Variants in FABP6 observed in about 807,000 individuals in gnomAD.
FABP6 encodes gastrotropin.
FABP6 carries 13 observed loss-of-function variants against 14.9 expected under a neutral mutation model. That is an observed-to-expected ratio of 0.87 (90% CI 0.57 to 1.39). The LOEUF (loss-of-function observed/expected upper bound fraction) is 1.39. FABP6 is among the 40% of genes most tolerant of loss of function. The probability of loss-of-function intolerance (pLI) is 0.00; values close to 1 mark genes in which losing one functional copy is unlikely to be tolerated. For synonymous variants in FABP6, 75 were observed against 63.6 expected, an observed-to-expected ratio of 1.18 and a Z score of -0.85; for missense variants, 161 against 167.2, an observed-to-expected ratio of 0.96 and a Z score of 0.20.
In FABP6 at chr5:160,221,549, G is replaced by T. The variant is rs186770106; in HGVS notation, c.135+7730G>T. On this transcript the variant is annotated intron_variant, in intron 3 of 6. Transcript: ENST00000393980. ...CTCACTCACTGGCTGTCACCTTCTG[G>T]CTGACTTGCATCTCCATTACCGTGG... Among the ~76,000 whole-genome samples the T allele has an allele frequency of 8.5e-4, 129 of 152,258 alleles. 3 individuals carry two copies. The highest frequency in any genetic ancestry group is 2.8e-4 in the Non-Finnish European group (19 of 68,020).
At chr5:160,236,503 A>G (rs1760519292) in intron 3 of FABP6, among the ~76,000 whole-genome samples, 1 of 152,042 alleles carries the variant, frequency 6.6e-6, no homozygotes, top group Non-Finnish European at 1.5e-5. Context: ...CTCCCATTAT[A>G]CTTATTTTAC....
chr5:160,187,610 G>A (rs941966319), intron 1 of FABP6, among the ~76,000 whole-genome samples: 2 of 152,050 alleles, frequency 1.3e-5, no homozygotes, highest in Non-Finnish European at 2.9e-5. Flanking sequence ...CTGACTTGGG[G>A]GAACAAGGGT....
chr5:160,210,321 T>TGACAGA (rs1759860696), intron 2 of FABP6, among the ~76,000 whole-genome samples: 1 of 152,156 alleles, frequency 6.6e-6, no homozygotes, highest in African/African-American at 2.4e-5. Context: ...GTCAAAGGGT[T>TGACAGA]TTAATGACAA....
chr5:160,223,570 C>G (rs537558875), intron 3 of FABP6, among the ~76,000 whole-genome samples: 1 of 151,586 alleles, frequency 6.6e-6, no homozygotes, highest in African/African-American at 2.4e-5. Flanking sequence ...TACAGGCACA[C>G]GCCACCACAC....
chr5:160,199,783 GCTCACTAGGGAGTTCA>G (rs1219117893), intron 2 of FABP6, among the ~76,000 whole-genome samples: 1 of 152,172 alleles, frequency 6.6e-6, no homozygotes, highest in Non-Finnish European at 1.5e-5. Context: ...TGGGATCTCC[GCTCACTAGGGAGTTCA>G]CAGCCTAACC....
intron 2 of FABP6, among the ~76,000 whole-genome samples, chr5:160,205,065 A>G (rs906749023): frequency 1.3e-5 from 2 of 152,182 alleles, no homozygotes; most frequent in Non-Finnish European, 2.9e-5. Flanking sequence ...AAAGTTTCTC[A>G]GAGAATTATA....
intron 1 of FABP6, among the ~76,000 whole-genome samples, chr5:160,189,233 T>C (rs1305590385): frequency 2.6e-5 from 4 of 152,066 alleles, no homozygotes; most frequent in Non-Finnish European, 2.9e-5. Context: ...GAAATCGTAT[T>C]TTACTTATTA....
chr5:160,198,996 T>C (rs1290489479), intron 1 of FABP6: 9 of 1,067,228 alleles, frequency 8.4e-6, no homozygotes, highest in Admixed American at 7.1e-5. Flanking sequence ...GAATGAACAA[T>C]GAGATGGTCT....
At chr5:160,210,083 A>G (rs1192433754) in intron 2 of FABP6, among the ~76,000 whole-genome samples, 1 of 152,216 alleles carries the variant, frequency 6.6e-6, no homozygotes, top group African/African-American at 2.4e-5. Flanking sequence ...CAAGTCAAAC[A>G]GGTAAAGCAG....
At position 160,191,688 on chromosome 5, in the gene FABP6, G is replaced by A. The variant is rs139559122; in HGVS notation, c.-59+4234G>A. ...GTTGAGATCCTGGGCTCGGCCGGGC[G>A]CGGTGGCTCACGCCTGTAATCCCAG... On this transcript the variant is annotated intron_variant, in intron 1 of 6. Transcript: ENST00000393980. Among the ~76,000 whole-genome samples the A allele has an allele frequency of 6.5e-3, 982 of 151,162 alleles. 11 individuals carry two copies. The highest frequency in any genetic ancestry group is 0.023 in the African/African-American group (946 of 41,200).
chr5:160,206,510 G>T (rs548266477), intron 2 of FABP6, among the ~76,000 whole-genome samples: 1 of 152,222 alleles, frequency 6.6e-6, no homozygotes, highest in South Asian at 2.1e-4. Context: ...ACAGAGAAAA[G>T]TATACATCCT....
chr5:160,219,363 C>T (rs1760083348), intron 3 of FABP6, among the ~76,000 whole-genome samples: 1 of 152,170 alleles, frequency 6.6e-6, no homozygotes, highest in Non-Finnish European at 1.5e-5. Context: ...GCCTTGGGCT[C>T]TTCTTTATCT....
intron 1 of FABP6, chr5:160,197,238 C>T (rs1420416775): frequency 1.3e-5 from 2 of 152,228 alleles, no homozygotes; most frequent in Non-Finnish European, 2.9e-5. Context: ...ACTGCTTCAC[C>T]CTAGGCAGTT....
upstream of FABP6, chr5:160,228,454 T>C (rs543727164): frequency 7.7e-5 from 35 of 456,242 alleles, no homozygotes; most frequent in East Asian, 2.4e-3. Flanking sequence ...CTTTGCACTG[T>C]CAATTTTGCC....
At chr5:160,237,687 T>C (rs1053937241) in intron 3 of FABP6, among the ~76,000 whole-genome samples, 3 of 152,096 alleles carry the variant, frequency 2.0e-5, no homozygotes, top group African/African-American at 7.2e-5. Flanking sequence ...CCCTTTGTTA[T>C]GAATCAGGAC....
At chr5:160,218,774 T>TA (rs1490227930) in intron 3 of FABP6, among the ~76,000 whole-genome samples, 3 of 150,524 alleles carry the variant, frequency 2.0e-5, no homozygotes, top group Non-Finnish European at 4.4e-5. Context: ...TTTTTTTTTT[T>TA]ATGAGTTGGG....
intron 3 of FABP6, among the ~76,000 whole-genome samples, chr5:160,223,959 G>A (rs1005611074): frequency 3.3e-5 from 5 of 151,630 alleles, no homozygotes; most frequent in African/African-American, 1.2e-4. Flanking sequence ...AAAATTGGCC[G>A]GGCGCAGTGG....
intron 2 of FABP6, among the ~76,000 whole-genome samples, chr5:160,211,631 C>T (rs1759892581): frequency 1.3e-5 from 2 of 152,166 alleles, no homozygotes. Flanking sequence ...GTTGGCAGTG[C>T]CCCAGGGACT....
In FABP6 at chr5:160,196,408, GA is replaced by G. The variant is rs1336334767; in HGVS notation, c.-58-2640del. Among the ~76,000 whole-genome samples, 3 of 152,338 alleles carry G rather than the reference GA, an allele frequency of 2.0e-5. No homozygotes were observed. The East Asian group carries it at 5.8e-4, about 29-fold the overall frequency. On this transcript the variant is annotated intron_variant, in intron 1 of 6. Transcript: ENST00000393980. ...AAAGGAAACCTGATGGGGCTCTGGG[GA>G]GAGAGGCTCTAGGGTTAGGGAAGGC... is the stretch of plus-strand genomic sequence containing the variant.
Sources: allele counts gnomAD v4.1 joint callset (sites outside exome capture counted in the v4.1 genomes callset), GRCh38; gene constraint gnomAD v4.1.1; transcripts MANE v1.5; gene names NCBI Gene and HGNC (gene_info 2026-07-23, HGNC 2026-07-21).